EFCC1: variants seen among roughly 807,000 people sequenced by gnomAD.
EFCC1 encodes EF-hand and coiled-coil domain-containing protein 1.
A neutral mutation model predicts 52.1 loss-of-function variants in EFCC1; 50 were observed. The ratio of observed to expected loss-of-function variants is 0.96; its 90% CI spans 0.76 to 1.21. EFCC1 has a LOEUF of 1.21. EFCC1 is among the 50% of genes most tolerant of loss of function. The pLI is 0.00. For missense variants in EFCC1, 837 were observed against 867.3 expected (o/e 0.97, Z 0.44); for synonymous variants, 399 against 396.5 (o/e 1.01, Z -0.08).
At chr3:129,025,906 G>A (rs527881349) in intron 2 of EFCC1, among the ~76,000 whole-genome samples, 4 of 152,308 alleles carry the variant, frequency 2.6e-5, no homozygotes, top group Admixed American at 6.5e-5. Flanking sequence ...CACTGACAAC[G>A]GCAGCTGGGC....
In EFCC1 at chr3:129,002,135, C is replaced by A; in HGVS notation, c.507C>A (p.His169Gln). 1 of 1,474,188 alleles carries A rather than the reference C, an allele frequency of 6.8e-7. No homozygotes were observed. Among genetic ancestry groups the A allele is most frequent in the East Asian group, 2.7e-5 (1 of 36,538 alleles). The allele number at this position is 1,474,188 out of a possible 1,614,324, so 91.3% of individuals were successfully genotyped here. A position where few individuals can be genotyped will look rare whatever the true frequency, so the allele number is the denominator to read the frequency against. ...TGCCCCGCGGCGCTCTCAGCGAGCA[C>A]ATCGAGACGCAGATCCGCCTGCGCC... ...PRLPRGALSE[H>Q]IETQIRLRRP... The change falls in exon 1 of 8, where the codon CAC becomes CAA. Residue 169 changes from histidine to glutamine, a missense_variant. Physicochemically the swap from His to Gln is conservative, Grantham distance 24. Coordinates refer to ENST00000683648, the MANE Select transcript of EFCC1 (RefSeq NM_001377500.1).
Position 129,001,607 on chromosome 3 carries a change from G to A in EFCC1, c.-22G>A, listed in dbSNP as rs953156652. 9 of 1,356,022 alleles carry A rather than the reference G, an allele frequency of 6.6e-6. No homozygotes were observed. Among genetic ancestry groups the A allele is most frequent in the Non-Finnish European group, 8.5e-6 (9 of 1,060,984 alleles). 84.0% of individuals were successfully genotyped at this position (1,356,022 alleles called of 1,614,324 possible). A position where few individuals can be genotyped will look rare whatever the true frequency, so the allele number is the denominator to read the frequency against. The stretch of plus-strand genomic sequence containing the variant: ...GAAGGGACCGGAGGAGGGACCGGAG[G>A]AGCGAGGCGCGCGGCGCAGCGATGG... On this transcript the variant is annotated 5_prime_UTR_variant, in exon 1 of 8. Coordinates refer to ENST00000683648, the MANE Select transcript of EFCC1 (RefSeq NM_001377500.1).
intron 3 of EFCC1, among the ~76,000 whole-genome samples, chr3:129,031,079 G>A (rs540312870): frequency 6.6e-6 from 1 of 152,148 alleles, no homozygotes; most frequent in Admixed American, 6.5e-5. Flanking sequence ...GCCATCAGGA[G>A]GTCAGGATAC....
intron 2 of EFCC1, 108 bp from the exon 3 acceptor site, chr3:129,030,595 C>G: frequency 7.6e-7 from 1 of 1,314,172 alleles, no homozygotes; most frequent in Non-Finnish European, 1.0e-6. Context: ...GAAGCTGACT[C>G]TGCCAGGGTG....
At chr3:129,019,097 A>G (rs1266459402) in intron 2 of EFCC1, among the ~76,000 whole-genome samples, 1 of 152,192 alleles carries the variant, frequency 6.6e-6, no homozygotes, top group Admixed American at 6.5e-5. Flanking sequence ...AGACACATAA[A>G]TGATTTGACC....
intron 2 of EFCC1, 139 bp downstream of exon 2, chr3:129,004,216 C>A (rs973855056): frequency 1.8e-6 from 2 of 1,131,242 alleles, no homozygotes; most frequent in Admixed American, 4.1e-5. Context: ...TTCTTTCATT[C>A]CTTTGTCAGT....
intron 2 of EFCC1, among the ~76,000 whole-genome samples, chr3:129,018,807 T>A (rs1318214912): frequency 6.6e-6 from 1 of 152,186 alleles, no homozygotes. Flanking sequence ...GTCTTTCGGG[T>A]CTGTTTGCAC....
intron 3 of EFCC1, 38 bp from the exon 4 acceptor site, chr3:129,032,781 C>G: frequency 6.5e-7 from 1 of 1,544,584 alleles, no homozygotes. Flanking sequence ...TGGTTCCCCA[C>G]CCTTTGTCCT....
Position 129,003,860 on chromosome 3 carries a change from C to T in EFCC1, c.763C>T (p.Arg255Trp), listed in dbSNP as rs1293191065. ...MGHGGPEAAV[R>W]ELRQAQGALA... Reference sequence around the variant, plus strand: ...GCACGGCGGGCCGGAGGCTGCGGTGCGGGAGCTGCGTCAGGCGCAGGGCGC... The same window carrying T: ...GCACGGCGGGCCGGAGGCTGCGGTGTGGGAGCTGCGTCAGGCGCAGGGCGC... Residue 255 changes from arginine (R) to tryptophan (W), a missense_variant, in exon 2 of 8, where the codon CGG (arginine) becomes TGG (tryptophan). By Grantham distance (101) the Arg-to-Trp change is moderately radical (BLOSUM62 -3). Transcript: ENST00000683648. The T allele has an allele frequency of 4.2e-6, 6 of 1,441,684 alleles. No homozygotes were observed. Among genetic ancestry groups the T allele is most frequent in the Non-Finnish European group, 5.5e-6 (6 of 1,099,894 alleles). 89.3% of individuals were successfully genotyped at this position (1,441,684 alleles called of 1,614,324 possible).
At chr3:129,039,487 C>T (rs1013418990) in intron 7 of EFCC1, among the ~76,000 whole-genome samples, 4 of 152,234 alleles carry the variant, frequency 2.6e-5, no homozygotes, top group African/African-American at 9.6e-5. Flanking sequence ...GCACCCACTG[C>T]CCTGAGCAGT....
rs1482219781 is a variant in EFCC1, at chr3:129,030,878, C to G, written c.1138+18C>G. On this transcript the variant is annotated intron_variant, in intron 3 of 7. Transcript: ENST00000683648. ...GGATGAAGGTTTGTCCCCTGTGCGC[C>G]CAGTCTTCCTGCCAGGCTCACAGTC... 1 of 1,542,450 alleles carries G rather than the reference C, an allele frequency of 6.5e-7. No homozygotes were observed. Among genetic ancestry groups the G allele is most frequent in the Non-Finnish European group, 8.8e-7 (1 of 1,141,422 alleles).
intron 2 of EFCC1, among the ~76,000 whole-genome samples, chr3:129,019,564 T>G (rs1945739042): frequency 6.6e-6 from 1 of 152,160 alleles, no homozygotes; most frequent in African/African-American, 2.4e-5. Flanking sequence ...GAACTACAGT[T>G]CTGGGAAAAA....
chr3:129,038,708 G>A, intron 6 of EFCC1, 123 bp from the exon 7 acceptor site: 1 of 909,074 alleles, frequency 1.1e-6, no homozygotes, highest in Non-Finnish European at 1.8e-6. Context: ...GATGAGGGTG[G>A]GGGAGGAGCT....
In EFCC1 at chr3:129,014,283, A is replaced by C. The variant is rs954227657; in HGVS notation, c.980+10206A>C. ...CGGGTGGACGAGGGGAGGGTCAGGG[A>C]GTGTGAGTCAGCTCGGGCTGCTGTG... On this transcript the variant is annotated intron_variant, in intron 2 of 7. Transcript: ENST00000683648. The surrounding 1 kb of genome is among the most constrained non-coding windows in gnomAD (Gnocchi z 4.3). Among the ~76,000 whole-genome samples, 1 of 152,192 alleles carries C rather than the reference A, an allele frequency of 6.6e-6. No individual in the cohort carries two copies. Among genetic ancestry groups the C allele is most frequent in the Non-Finnish European group, 1.5e-5 (1 of 68,028 alleles).
rs189143870 is a variant in EFCC1, at chr3:129,031,939, G to A, written c.1139-880G>A. ...AGAGGAGGCTGCACTCAGCCTGGCC[G>A]GGCCTGACTCAAGTGCCCCTGGAGC... On this transcript the variant is annotated intron_variant, in intron 3 of 7. Transcript: ENST00000683648. 5.9e-5 allele frequency among the ~76,000 whole-genome samples: 9 copies of A among 152,268 alleles called. No individual in the cohort carries two copies. In the East Asian group the frequency reaches 1.2e-3, roughly 20 times the overall value.
chr3:129,024,483 A>G (rs2107922546), intron 2 of EFCC1, among the ~76,000 whole-genome samples: 1 of 151,988 alleles, frequency 6.6e-6, no homozygotes, highest in East Asian at 1.9e-4. Context: ...GTGAGCCGAG[A>G]TTGCACCACT....
intron 2 of EFCC1, among the ~76,000 whole-genome samples, chr3:129,024,922 G>A (rs75785349): frequency 0.03 from 4,630 of 152,262 alleles, 104 homozygotes; most frequent in Non-Finnish European, 0.047. Flanking sequence ...AGAACCAGGA[G>A]GATTTTCTGG....
chr3:129,002,188 G>A lies in EFCC1; in HGVS notation c.560G>A (p.Cys187Tyr), dbSNP rs552349632. Residue 187 changes from cysteine to tyrosine, a missense_variant, in exon 1 of 8, where the codon TGC (cysteine) becomes TAC (tyrosine). Physicochemically the swap from Cys to Tyr is radical, Grantham distance 194. Transcript: ENST00000683648. ...CCGCGCCGCCGCCGCCGCCCGCCCT[G>A]CGCGCCTGGCCCCGACAGCGGTCCT... ...RRPRRRRRPPCAPGPDSGPDC... is the reference protein window; with the variant it reads ...RRPRRRRRPPYAPGPDSGPDC... 3.4e-4 allele frequency: 509 copies of A among 1,498,110 alleles called. 2 individuals carry two copies. The Middle Eastern group carries it at 9.4e-3, about 28-fold the overall frequency. 92.8% of individuals were successfully genotyped at this position (1,498,110 alleles called of 1,614,324 possible). A position where few individuals can be genotyped will look rare whatever the true frequency, so the allele number is the denominator to read the frequency against.
chr3:129,021,505 C>T (rs143359295), intron 2 of EFCC1, among the ~76,000 whole-genome samples: 490 of 152,152 alleles, frequency 3.2e-3, no homozygotes, highest in African/African-American at 0.011. Flanking sequence ...ACCCGGGAGG[C>T]GGAGGTTGTG....
Sources: gnomAD v4.1 joint callset for allele counts (sites outside exome capture counted in the v4.1 genomes callset) on GRCh38, gnomAD v4.1.1 for gene constraint, Gnocchi (gnomAD v3.1) non-coding constraint, MANE v1.5 for transcripts, NCBI Gene and HGNC (gene_info 2026-07-23, HGNC 2026-07-21) for gene names.